BPTF: variants seen among roughly 807,000 people sequenced by gnomAD.
The protein encoded by BPTF is bromodomain PHD finger transcription factor, also known as nucleosome-remodeling factor subunit BPTF.
A neutral mutation model predicts 292.5 loss-of-function variants in BPTF; 18 were observed. The ratio of observed to expected loss-of-function variants is 0.06; its 90% CI spans 0.04 to 0.09. The LOEUF (loss-of-function observed/expected upper bound fraction) is 0.09, where lower values mean the gene tolerates loss of function less well. BPTF is among the 10% of genes least tolerant of loss of function. The pLI, the probability that BPTF is intolerant of heterozygous loss-of-function variation, is 1.00. For synonymous variants in BPTF, 1,225 were observed against 1,251.9 expected (o/e 0.98, Z 0.45); for missense variants, 2,726 against 3,498.7 (o/e 0.78, Z 5.57).
At chr17:67,903,240 T>C (rs377268645) in intron 7 of BPTF, among the ~76,000 whole-genome samples, 5 of 152,270 alleles carry the variant, frequency 3.3e-5, no homozygotes, top group African/African-American at 1.2e-4. Flanking sequence ...GAAATACTGG[T>C]TGATAAAATA....
At chr17:67,903,741 T>A (rs949397155) in intron 7 of BPTF, 48 bp from the exon 8 acceptor site, 1 of 1,465,130 alleles carries the variant, frequency 6.8e-7, no homozygotes, top group Non-Finnish European at 9.0e-7. Flanking sequence ...TTATCTTTTC[T>A]GTTTATTTTT....
At chr17:67,958,441 A>G (rs191138574) in intron 23 of BPTF, among the ~76,000 whole-genome samples, 115 of 152,158 alleles carry the variant, frequency 7.6e-4, no homozygotes, top group Admixed American at 7.5e-3. Flanking sequence ...AAATATATGA[A>G]AAGGGGCCAG....
At chr17:67,895,675 C>CT (rs551305105) in intron 7 of BPTF, among the ~76,000 whole-genome samples, 56 of 152,098 alleles carry the variant, frequency 3.7e-4, no homozygotes, top group Middle Eastern at 3.4e-3. Flanking sequence ...GTTGCCCAGG[C>CT]TGTTCTTGAA....
At chr17:67,964,955 C>T (rs1234325526) in intron 25 of BPTF, 5 of 121,726 alleles carry the variant, frequency 4.1e-5, no homozygotes, top group Non-Finnish European at 8.3e-5. Flanking sequence ...GCCGAGATGG[C>T]GCCACTGCAC....
At chr17:67,859,260 C>T (rs989979351) in intron 2 of BPTF, among the ~76,000 whole-genome samples, 6 of 152,200 alleles carry the variant, frequency 3.9e-5, no homozygotes, top group African/African-American at 1.4e-4. Flanking sequence ...ATCCTCTCAC[C>T]TCAGCCCCCC....
At chr17:67,902,772 C>T (rs748489719) in intron 7 of BPTF, among the ~76,000 whole-genome samples, 18 of 152,112 alleles carry the variant, frequency 1.2e-4, no homozygotes, top group Admixed American at 6.5e-5. Context: ...AATCCCCTCC[C>T]ACATCTTTTC....
At position 67,954,726 on chromosome 17, in the gene BPTF, G is replaced by A. The variant is rs1568169846; in HGVS notation, c.7927-4815G>A. Among the ~76,000 whole-genome samples the A allele has an allele frequency of 3.3e-5, 5 of 152,292 alleles. No homozygotes were observed. The South Asian group carries it at 8.3e-4, about 25-fold the overall frequency. ...ATTTGTATGTTTTTGAAGGGAGAGGGAAGATCAAAGTGTGTGCCCACTATA... is the reference window on the plus strand; with the variant it reads ...ATTTGTATGTTTTTGAAGGGAGAGGAAAGATCAAAGTGTGTGCCCACTATA... On this transcript the variant is annotated intron_variant, in intron 23 of 27. Transcript: ENST00000306378.
chr17:67,886,206 A>G, intron 4 of BPTF: 1 of 1,614,022 alleles, frequency 6.2e-7, no homozygotes, highest in Non-Finnish European at 8.5e-7. Flanking sequence ...GAAAACAGTA[A>G]CAGCAGCAGT....
chr17:67,872,550 A>G (rs1231930539), intron 3 of BPTF, among the ~76,000 whole-genome samples: 3 of 152,058 alleles, frequency 2.0e-5, no homozygotes, highest in Non-Finnish European at 2.9e-5. Context: ...TACTAAAAAC[A>G]TAAAAATTAG....
intron 4 of BPTF, among the ~76,000 whole-genome samples, chr17:67,880,235 A>G (rs2060312198): frequency 6.6e-6 from 1 of 152,122 alleles, no homozygotes; most frequent in South Asian, 2.1e-4. Context: ...AAAAAAACAC[A>G]ACTTTGTCTT....
intron 1 of BPTF, among the ~76,000 whole-genome samples, chr17:67,850,405 C>T (rs1250633117): frequency 6.6e-6 from 1 of 152,156 alleles, no homozygotes; most frequent in African/African-American, 2.4e-5. Context: ...CAGAGTCTCG[C>T]TCTGTTGCCT....
Position 67,909,596 on chromosome 17 carries a change from G to A in BPTF, c.2827G>A (p.Asp943Asn), listed in dbSNP as rs773844687. Residue 943 changes from aspartate (D) to asparagine (N), a missense_variant, in exon 10 of 28, where the codon GAT (aspartate) becomes AAT (asparagine). Physicochemically the swap from Asp to Asn is conservative, Grantham distance 23. Around this residue, in one of 22 missense-constraint regions of BPTF, gnomAD observed 713 missense variants for 714.9 expected, o/e 1.00. Transcript: ENST00000306378. Reference protein sequence around the residue: ...KSLEGTKNNMDENMDESDKRK... With the variant: ...KSLEGTKNNMNENMDESDKRK... Reference sequence around the variant, plus strand: ...GTTCTTTTTAGCCAAAAATAATATGGATGAAAATATGGATGAGTCAGATAA... The same window carrying A: ...GTTCTTTTTAGCCAAAAATAATATGAATGAAAATATGGATGAGTCAGATAA... 5.8e-6 allele frequency: 9 copies of A among 1,553,962 alleles called. No homozygotes were observed.
rs1598543278 is a variant in BPTF at position 67,903,935 on chromosome 17, C to T, written c.2673+17C>T. The T allele has an allele frequency of 6.3e-7, 1 of 1,575,424 alleles. No homozygotes were observed. Among genetic ancestry groups the T allele is most frequent in the Non-Finnish European group, 8.6e-7 (1 of 1,168,492 alleles). On this transcript the variant is annotated intron_variant, in intron 8 of 27. Transcript: ENST00000306378. The stretch of plus-strand genomic sequence containing the variant: ...AAGCATCAGGTAATTTTTACAACAA[C>T]CCTTTAAAATAGTGTTAGCCATTTC...
At chr17:67,926,959 C>CT (rs1404016259) in intron 15 of BPTF, among the ~76,000 whole-genome samples, 2 of 151,646 alleles carry the variant, frequency 1.3e-5, no homozygotes, top group Admixed American at 6.6e-5. Flanking sequence ...GATGATGTCT[C>CT]TAAGAGTTGA....
chr17:67,885,764 T>C (rs1323630653), intron 4 of BPTF, among the ~76,000 whole-genome samples: 1 of 152,216 alleles, frequency 6.6e-6, no homozygotes, highest in Non-Finnish European at 1.5e-5. Flanking sequence ...CTCAGCAAAC[T>C]ACCTCTGCAA....
intron 2 of BPTF, among the ~76,000 whole-genome samples, chr17:67,857,536 G>C (rs2058775008): frequency 6.7e-6 from 1 of 149,766 alleles, no homozygotes; most frequent in East Asian, 2.0e-4. Flanking sequence ...ACACTATGTC[G>C]GCTAACTGCA....
chr17:67,868,013 C>T (rs2059487483), intron 3 of BPTF, among the ~76,000 whole-genome samples: 1 of 152,070 alleles, frequency 6.6e-6, no homozygotes. Flanking sequence ...TTTTTCTGCA[C>T]AGGAGATGTG....
rs915463090 is a variant in BPTF, at chr17:67,904,599, T to C, written c.2674-103T>C. ...CTGGGGATGATTAGTAAATTTCATTTGCCTGACTTTGAAACTTGTTTGGTA... is the reference window on the plus strand; with the variant it reads ...CTGGGGATGATTAGTAAATTTCATTCGCCTGACTTTGAAACTTGTTTGGTA... On this transcript the variant is annotated intron_variant, in intron 8 of 27. Coordinates refer to ENST00000306378, the MANE Select transcript of BPTF (RefSeq NM_182641.4). The C allele has an allele frequency of 7.9e-6, 7 of 891,186 alleles. No homozygotes were observed. In the Admixed American group the frequency reaches 2.4e-4, roughly 31 times the overall value. 55.2% of individuals were successfully genotyped at this position (891,186 alleles called of 1,614,324 possible).
intron 20 of BPTF, 105 bp from the exon 21 acceptor site, chr17:67,945,304 C>G: frequency 6.6e-7 from 1 of 1,515,604 alleles, no homozygotes; most frequent in South Asian, 1.3e-5. Flanking sequence ...TGAGCCACCA[C>G]GCCTGGCCAG....
Sources: allele counts gnomAD v4.1 joint callset (sites outside exome capture counted in the v4.1 genomes callset), GRCh38; gene constraint gnomAD v4.1.1; regional missense constraint gnomAD v4.1.1; transcripts MANE v1.5; gene names NCBI Gene and HGNC (gene_info 2026-07-23, HGNC 2026-07-21).